Variants in PPP1R35 observed in about 807,000 individuals in gnomAD.
PPP1R35 encodes the protein protein phosphatase 1 regulatory subunit 35.
Under a neutral mutation model 22.2 loss-of-function variants are expected in PPP1R35, and 23 were observed. That is an observed-to-expected ratio of 1.04 (90% CI 0.75 to 1.47). The LOEUF (loss-of-function observed/expected upper bound fraction) is 1.47. PPP1R35 is among the 40% of genes most tolerant of loss of function. The probability of loss-of-function intolerance (pLI) is 0.00; values close to 1 mark genes in which losing one functional copy is unlikely to be tolerated. For synonymous variants in PPP1R35, 198 were observed against 165.7 expected (o/e 1.19, Z -1.50); for missense variants, 409 against 349.6 (o/e 1.17, Z -1.36).
Position 100,436,440 on chromosome 7 carries a change from A to G in PPP1R35, c.-66T>C. The G allele has an allele frequency of 2.5e-6, 3 of 1,215,534 alleles. No homozygotes were observed. Among genetic ancestry groups the G allele is most frequent in the Non-Finnish European group, 2.2e-6 (2 of 905,414 alleles). The allele number at this position is 1,215,534 out of a possible 1,614,324, so 75.3% of individuals were successfully genotyped here. On this transcript the variant is annotated 5_prime_UTR_variant, in exon 1 of 4. Transcript: ENST00000292330. ...AGACGCTCCAACGGTCAGGGGACAC[A>G]GCCTGGCTGCCGCCTCCTTTCCCCC...
At chr7:100,436,627 G>A, upstream of PPP1R35, 1 of 372,700 alleles carries the variant, frequency 2.7e-6, no homozygotes, top group Non-Finnish European at 4.8e-6. Flanking sequence ...CCGCCCCCAA[G>A]CCGAAGTGTT....
chr7:100,436,225 G>C lies in PPP1R35; in HGVS notation c.150C>G (p.Pro50=). 7.9e-7 allele frequency: 1 copy of C among 1,269,940 alleles called. No homozygotes were observed. The highest frequency in any genetic ancestry group is 9.9e-7 in the Non-Finnish European group (1 of 1,006,444). The allele number at this position is 1,269,940 out of a possible 1,614,324, so 78.7% of individuals were successfully genotyped here. A position where few individuals can be genotyped will look rare whatever the true frequency, so the allele number is the denominator to read the frequency against. The change falls in exon 1 of 4, where the codon CCC becomes CCG. Residue 50 remains proline, a synonymous_variant. Transcript: ENST00000292330. ...TGCCGTGCCGCGGCTGAGGGCTGTCGGGCCGCGGGCTCAGGCTCAAGTCCA... is the reference window on the plus strand; with the variant it reads ...TGCCGTGCCGCGGCTGAGGGCTGTCCGGCCGCGGGCTCAGGCTCAAGTCCA... The part of the protein sequence containing the change: ...PGLDLSLSPR[P]DSPQPRHGSP...
chr7:100,436,537 C>T (rs774357135), upstream of PPP1R35: 1 of 434,342 alleles, frequency 2.3e-6, no homozygotes, highest in East Asian at 3.6e-5. Context: ...GCCCCACCCA[C>T]CCTGTTGTCG....
chr7:100,435,735 G>C lies in PPP1R35; in HGVS notation c.484C>G (p.Arg162Gly), dbSNP rs766396068. ...GGCACCTGCAGGCTCACCAGGTCCC[G>C]GAAGAGCCGCTTGGAGCGCGGCACG... is the stretch of plus-strand genomic sequence containing the variant. ...LNVPRSKRLF[R>G]DLVSLQVPEE... The change falls in exon 3 of 4, where the codon CGG becomes GGG. Residue 162 changes from arginine to glycine, a missense_variant. By Grantham distance (125) the Arg-to-Gly change is moderately radical. Transcript: ENST00000292330. 4 of 1,601,760 alleles carry C rather than the reference G, an allele frequency of 2.5e-6. No individual in the cohort carries two copies. Among genetic ancestry groups the C allele is most frequent in the Admixed American group, 3.4e-5 (2 of 58,320 alleles).
upstream of PPP1R35, chr7:100,436,520 G>A: frequency 2.1e-6 from 1 of 487,176 alleles, no homozygotes; most frequent in Non-Finnish European, 3.4e-6. Flanking sequence ...CGGGGGCGGA[G>A]TCAGCAGCCC....
chr7:100,436,539 C>G, upstream of PPP1R35: 1 of 429,640 alleles, frequency 2.3e-6, no homozygotes, highest in Non-Finnish European at 4.0e-6. Context: ...CCCACCCACC[C>G]TGTTGTCGCT....
chr7:100,435,769 TGA>T lies in PPP1R35; in HGVS notation c.452-4_452-3del, dbSNP rs780583595. ...GCTTGGAGCGCGGCACGTTCAGCCC[TGA>T]GAGCGCAGCGGGGACGGAGGTGAGT... On this transcript the variant is annotated splice_polypyrimidine_tract_variant and splice_region_variant and intron_variant, in intron 2 of 3. Transcript: ENST00000292330. 1.9e-6 allele frequency: 3 copies of T among 1,598,196 alleles called. No homozygotes were observed. Among genetic ancestry groups the T allele is most frequent in the East Asian group, 4.5e-5 (2 of 44,586 alleles).
Position 100,436,050 on chromosome 7 carries a change from C to CA in PPP1R35, c.248dup (p.Thr84AspfsTer42). The CA allele has an allele frequency of 6.5e-7, 1 of 1,536,182 alleles. No individual in the cohort carries two copies. Among genetic ancestry groups the CA allele is most frequent in the Non-Finnish European group, 8.7e-7 (1 of 1,147,312 alleles). On this transcript the variant is annotated frameshift_variant, in exon 2 of 4. Transcript: ENST00000292330. LOFTEE classifies it high-confidence loss of function. ...CGGACCGCACCGGGGAGGGCGGCGT[C>CA]AGGCGGAAGCGGACCTGGGAGCAGA... is the stretch of plus-strand genomic sequence containing the variant.
In PPP1R35 at chr7:100,436,011, CGCAGGCTGCGGCTCG is replaced by C. The variant is rs1159042300; in HGVS notation, c.273_287del (p.Glu92_Ala96del). On this transcript the variant is annotated inframe_deletion, in exon 2 of 4. Coordinates refer to ENST00000292330, the MANE Select transcript of PPP1R35 (RefSeq NM_145030.4). ...CGGGCATCTCCAGCTCCTGCGGCAC[CGCAGGCTGCGGCTCG>C]GACCGCACCGGGGAGGGCGGCGTCA... The C allele has an allele frequency of 5.2e-6, 8 of 1,551,010 alleles. No homozygotes were observed. The highest frequency in any genetic ancestry group is 6.9e-6 in the Non-Finnish European group (8 of 1,154,580).
In PPP1R35 at chr7:100,435,459, C is replaced by T; in HGVS notation, c.663G>A (p.Leu221=). Residue 221 remains leucine, a synonymous_variant, in exon 4 of 4, where the codon CTG becomes CTA. Coordinates refer to ENST00000292330, the MANE Select transcript of PPP1R35 (RefSeq NM_145030.4). ...PETLFYESPH[L]TLDGLPPLRL... ...GGAGAGGGGGCAGACCGTCCAGGGT[C>T]AGGTGTGGAGATTCATAAAATAGCG... 6.2e-7 allele frequency: 1 copy of T among 1,613,748 alleles called. No individual in the cohort carries two copies. The highest frequency in any genetic ancestry group is 1.3e-5 in the African/African-American group (1 of 74,990).
In PPP1R35 at chr7:100,436,461, C is replaced by G; in HGVS notation, c.-87G>C. On this transcript the variant is annotated 5_prime_UTR_variant, in exon 1 of 4. Transcript: ENST00000292330. ...ACACAGCCTGGCTGCCGCCTCCTTT[C>G]CCCCGCCCCTCCTAGACGCCGCTAC... The G allele has an allele frequency of 9.9e-7, 1 of 1,008,340 alleles. No homozygotes were observed. Among genetic ancestry groups the G allele is most frequent in the Non-Finnish European group, 1.4e-6 (1 of 729,394 alleles). 62.5% of individuals were successfully genotyped at this position (1,008,340 alleles called of 1,614,324 possible). A position where few individuals can be genotyped will look rare whatever the true frequency, so the allele number is the denominator to read the frequency against.
At position 100,436,369 on chromosome 7, in the gene PPP1R35, C is replaced by T. The variant is rs771694376; in HGVS notation, c.6G>A (p.Met2Ile). 5.3e-6 allele frequency: 8 copies of T among 1,496,814 alleles called. No individual in the cohort carries two copies. In the East Asian group the frequency reaches 2.2e-4, roughly 40 times the overall value. The allele number at this position is 1,496,814 out of a possible 1,614,324, so 92.7% of individuals were successfully genotyped here. A position where few individuals can be genotyped will look rare whatever the true frequency, so the allele number is the denominator to read the frequency against. ...TCAGCTCTGACTCCCCACAACCCAT[C>T]ATCATCTTTGGAGGTGCCTTGAGGG... M[M>I]MGCGESELKS... The change falls in exon 1 of 4, where the codon ATG becomes ATA. Residue 2 changes from methionine to isoleucine, a missense_variant. Transcript: ENST00000292330.
Position 100,435,845 on chromosome 7 carries a change from C to T in PPP1R35, c.451+3G>A. 3 of 1,586,648 alleles carry T rather than the reference C, an allele frequency of 1.9e-6. No individual in the cohort carries two copies. The highest frequency in any genetic ancestry group is 2.6e-6 in the Non-Finnish European group (3 of 1,172,168). On this transcript the variant is annotated splice_donor_region_variant and intron_variant, in intron 2 of 3. Coordinates refer to ENST00000292330, the MANE Select transcript of PPP1R35 (RefSeq NM_145030.4). ...CACGCGGCCGGCCGCCCGCCCCCCT[C>T]ACCCTCGGACACGCTCTCCTCCAGG...
chr7:100,436,405 C>CG lies in PPP1R35; in HGVS notation c.-32dup, dbSNP rs763633066. The CG allele has an allele frequency of 8.9e-6, 13 of 1,466,112 alleles. No homozygotes were observed. The Admixed American group carries it at 1.1e-4, about 13-fold the overall frequency. The allele number at this position is 1,466,112 out of a possible 1,614,324, so 90.8% of individuals were successfully genotyped here. The stretch of plus-strand genomic sequence containing the variant: ...GAGGTGCCTTGAGGGTGCGGGGATG[C>CG]GGGGGTCGCAGACGCTCCAACGGTC... On this transcript the variant is annotated 5_prime_UTR_variant, in exon 1 of 4. Coordinates refer to ENST00000292330, the MANE Select transcript of PPP1R35 (RefSeq NM_145030.4).
intron 1 of PPP1R35, 21 bp from the exon 2 acceptor site, chr7:100,436,085 A>T: frequency 6.6e-7 from 1 of 1,515,698 alleles, no homozygotes; most frequent in South Asian, 1.2e-5. Flanking sequence ...AGGGCAGGGC[A>T]GTGACCAGGT....
chr7:100,435,595 G>A, intron 3 of PPP1R35, 36 bp downstream of exon 3: 5 of 1,614,042 alleles, frequency 3.1e-6, no homozygotes, highest in Non-Finnish European at 4.2e-6. Flanking sequence ...GGGTAAGGGG[G>A]TACATGGAGG....
Position 100,435,483 on chromosome 7 carries a change from C to A in PPP1R35, c.639G>T (p.Thr213=), listed in dbSNP as rs538267820. The A allele has an allele frequency of 6.2e-7, 1 of 1,613,944 alleles. No individual in the cohort carries two copies. Among genetic ancestry groups the A allele is most frequent in the South Asian group, 1.1e-5 (1 of 91,076 alleles). ...TCAGGTGTGGAGATTCATAAAATAG[C>A]GTTTCTGGGTCACACAAGATGGTCA... ...PDMTILCDPE[T]LFYESPHLTL... Residue 213 remains threonine, a synonymous_variant, in exon 4 of 4, where the codon ACG becomes ACT. Coordinates refer to ENST00000292330, the MANE Select transcript of PPP1R35 (RefSeq NM_145030.4).
rs1161619994 is a variant in PPP1R35, at chr7:100,435,331, C to T, written c.*29G>A. 1.9e-6 allele frequency: 3 copies of T among 1,557,248 alleles called. No individual in the cohort carries two copies. Among genetic ancestry groups the T allele is most frequent in the Non-Finnish European group, 1.7e-6 (2 of 1,156,422 alleles). Reference sequence around the variant, plus strand: ...TAACAAATAGTTTAACACAAAAATACGAACTAGCCCTCCAGGGATCTTTGG... The same window carrying T: ...TAACAAATAGTTTAACACAAAAATATGAACTAGCCCTCCAGGGATCTTTGG... On this transcript the variant is annotated 3_prime_UTR_variant, in exon 4 of 4. Coordinates refer to ENST00000292330, the MANE Select transcript of PPP1R35 (RefSeq NM_145030.4).
Position 100,435,833 on chromosome 7 carries a change from G to A in PPP1R35, c.451+15C>T, listed in dbSNP as rs751463933. On this transcript the variant is annotated intron_variant, in intron 2 of 3. Coordinates refer to ENST00000292330, the MANE Select transcript of PPP1R35 (RefSeq NM_145030.4). ...CCCCGACTCCCGCACGCGGCCGGCCGCCCGCCCCCCTCACCCTCGGACACG... is the reference window on the plus strand; with the variant it reads ...CCCCGACTCCCGCACGCGGCCGGCCACCCGCCCCCCTCACCCTCGGACACG... 136 of 1,576,264 alleles carry A rather than the reference G, an allele frequency of 8.6e-5. 1 individual carries two copies. In the South Asian group the frequency reaches 1.5e-3, roughly 17 times the overall value.
Sources: allele counts gnomAD v4.1 joint callset, GRCh38; gene constraint gnomAD v4.1.1; transcripts MANE v1.5; gene names NCBI Gene and HGNC (gene_info 2026-07-23, HGNC 2026-07-21).